Variants in CPM observed in about 807,000 individuals in gnomAD.
The protein encoded by CPM is renal carboxypeptidase.
In CPM, 35 loss-of-function variants were observed where a neutral mutation model predicts 46.4. That is an observed-to-expected ratio of 0.75 (90% CI 0.58 to 1.00). The LOEUF (loss-of-function observed/expected upper bound fraction) is 1.00, where lower values mean the gene tolerates loss of function less well. Among genes scored for constraint, CPM ranks in the 50% least tolerant of loss-of-function variants. CPM has a pLI of 0.00. For missense variants in CPM, 422 were observed against 530.4 expected, an observed-to-expected ratio of 0.80 and a Z score of 2.01; for synonymous variants, 195 against 195.3, an observed-to-expected ratio of 1.00 and a Z score of 0.01.
intron 2 of CPM, among the ~76,000 whole-genome samples, chr12:68,909,903 T>G (rs1046094807): frequency 6.6e-6 from 1 of 151,464 alleles, no homozygotes; most frequent in African/African-American, 2.4e-5. Context: ...GGTTGATGGG[T>G]GCAGCAAACC....
At chr12:68,925,619 T>C (rs1226837189) in intron 2 of CPM, among the ~76,000 whole-genome samples, 2 of 152,224 alleles carry the variant, frequency 1.3e-5, no homozygotes, top group African/African-American at 4.8e-5. Context: ...CAAAATAAGA[T>C]ATTTGACTCA....
chr12:68,869,395 T>C lies in CPM; in HGVS notation c.717A>G (p.Gly239=), dbSNP rs200349035. 1.2e-6 allele frequency: 2 copies of C among 1,614,108 alleles called. No individual in the cohort carries two copies. The highest frequency in any genetic ancestry group is 1.3e-5 in the African/African-American group (1 of 75,064). Residue 239 remains glycine, a synonymous_variant, in exon 6 of 9, where the codon GGA becomes GGG. Coordinates refer to ENST00000551568, the MANE Select transcript of CPM (RefSeq NM_198320.5). ...AGTTCATTTTGTTTTTACACTCGTCTCCTTTCTTCATGTTGGGATTTCTTG... is the reference window on the plus strand; with the variant it reads ...AGTTCATTTTGTTTTTACACTCGTCCCCTTTCTTCATGTTGGGATTTCTTG... The part of the protein sequence containing the change: ...YASRNPNMKK[G]DECKNKMNFP...
At chr12:68,897,175 C>T (rs1886906493) in intron 2 of CPM, among the ~76,000 whole-genome samples, 1 of 152,026 alleles carries the variant, frequency 6.6e-6, no homozygotes, top group South Asian at 2.1e-4. Context: ...AAATTTTTAA[C>T]CTATAAATTA....
At chr12:68,880,385 T>C (rs1398047504) in intron 3 of CPM, among the ~76,000 whole-genome samples, 3 of 151,850 alleles carry the variant, frequency 2.0e-5, no homozygotes, top group Non-Finnish European at 4.4e-5. Context: ...GAGAGAGAAG[T>C]GAAGAGTAGG....
At chr12:68,909,686 G>A (rs534649202) in intron 2 of CPM, among the ~76,000 whole-genome samples, 2 of 152,012 alleles carry the variant, frequency 1.3e-5, no homozygotes, top group Non-Finnish European at 2.9e-5. Flanking sequence ...TCCTTTGCAG[G>A]GACATGGATG....
intron 6 of CPM, 136 bp downstream of exon 6, chr12:68,869,189 G>C (rs116926028): frequency 0.013 from 8,569 of 674,174 alleles, 97 homozygotes; most frequent in Middle Eastern, 0.034. Flanking sequence ...CTGCTCTTAT[G>C]ATATTAGCTG....
intron 1 of CPM, among the ~76,000 whole-genome samples, chr12:68,945,594 C>T (rs1281083645): frequency 6.6e-6 from 1 of 152,102 alleles, no homozygotes; most frequent in Non-Finnish European, 1.5e-5. Flanking sequence ...CTTGTTGGGT[C>T]CCCAATGTTG....
chr12:68,849,093 CT>C (rs796472865), downstream of CPM: 16,441 of 130,604 alleles, frequency 0.13, 3,145 homozygotes, highest in African/African-American at 0.43. Context: ...ACGGTAGACC[CT>C]TTTTTTTTTT....
At chr12:68,870,612 C>T (rs1183225870) in intron 4 of CPM, among the ~76,000 whole-genome samples, 2 of 152,202 alleles carry the variant, frequency 1.3e-5, no homozygotes, top group Non-Finnish European at 2.9e-5. Flanking sequence ...CAATGAGATA[C>T]TAGCTATTGT....
intron 1 of CPM, among the ~76,000 whole-genome samples, chr12:68,944,717 G>GT (rs58846868): frequency 0.4 from 59,414 of 148,378 alleles, 11,917 homozygotes; most frequent in South Asian, 0.49. Flanking sequence ...CTTGTTTTTT[G>GT]TTTTTTTTTT....
At chr12:68,937,093 G>T (rs904082369), upstream of CPM, among the ~76,000 whole-genome samples, 14 of 152,226 alleles carry the variant, frequency 9.2e-5, no homozygotes, top group African/African-American at 4.8e-5. Context: ...TGTTTCAATG[G>T]TGTTCTAAAT....
chr12:68,871,712 G>A, intron 4 of CPM, 72 bp downstream of exon 4: 1 of 1,525,788 alleles, frequency 6.6e-7, no homozygotes, highest in Non-Finnish European at 9.0e-7. Context: ...CTCTTGCCAA[G>A]GCCAACAGGT....
intron 3 of CPM, among the ~76,000 whole-genome samples, chr12:68,876,664 C>T (rs1328631112): frequency 1.3e-5 from 2 of 152,190 alleles, no homozygotes; most frequent in Non-Finnish European, 2.9e-5. Flanking sequence ...GAGACTCTCA[C>T]TCCATCTCCT....
At chr12:68,933,086 T>G in intron 1 of CPM, 56 bp downstream of exon 1, 2 of 389,624 alleles carry the variant, frequency 5.1e-6, no homozygotes, top group South Asian at 3.2e-5. Context: ...TCCTGGCGCC[T>G]CCGCCGTCCG....
chr12:68,951,036 C>CT (rs1291830726), intron 1 of CPM, among the ~76,000 whole-genome samples: 1 of 152,188 alleles, frequency 6.6e-6, no homozygotes, highest in Non-Finnish European at 1.5e-5. Context: ...TATATCACTC[C>CT]TAGTGGTTCT....
At chr12:68,843,063 T>C in intron 5 of CPM, 1 of 220,532 alleles carries the variant, frequency 4.5e-6, no homozygotes, top group East Asian at 6.6e-5. Context: ...GCAGATGTTA[T>C]CTCAGTGCCT....
At chr12:68,876,604 G>A (rs2136239120) in intron 3 of CPM, among the ~76,000 whole-genome samples, 1 of 152,246 alleles carries the variant, frequency 6.6e-6, no homozygotes, top group African/African-American at 2.4e-5. Flanking sequence ...CAGACTTCAG[G>A]GAGAAGCCCT....
At chr12:68,939,080 G>A (rs992552428) in intron 1 of CPM, among the ~76,000 whole-genome samples, 1 of 145,274 alleles carries the variant, frequency 6.9e-6, no homozygotes, top group Non-Finnish European at 1.5e-5. Context: ...ATCTATATAT[G>A]TATACACATA....
intron 2 of CPM, among the ~76,000 whole-genome samples, chr12:68,904,948 G>A (rs116495555): frequency 0.02 from 3,088 of 152,246 alleles, 127 homozygotes; most frequent in African/African-American, 0.071. Context: ...CATTCTTGTC[G>A]CTCACGCTGG....
Sources: gnomAD v4.1 joint callset for allele counts (sites outside exome capture counted in the v4.1 genomes callset) on GRCh38, gnomAD v4.1.1 for gene constraint, MANE v1.5 for transcripts, NCBI Gene and HGNC (gene_info 2026-07-23, HGNC 2026-07-21) for gene names.